Variants in IMMP2L observed in about 807,000 individuals in gnomAD.
The protein encoded by IMMP2L is mitochondrial inner membrane protease subunit 2.
Under a neutral mutation model 19.3 loss-of-function variants are expected in IMMP2L, and 18 were observed. That is an observed-to-expected ratio of 0.93 (90% confidence interval 0.64 to 1.38). The LOEUF (loss-of-function observed/expected upper bound fraction) is 1.38. IMMP2L is among the 40% of genes most tolerant of loss of function. The pLI is 0.00. For missense variants in IMMP2L, 233 were observed against 218.2 expected (o/e 1.07, Z -0.43); for synonymous variants, 76 against 73.0 (o/e 1.04, Z -0.21).
At chr7:111,384,621 A>G (rs566535931) in intron 3 of IMMP2L, among the ~76,000 whole-genome samples, 23 of 152,104 alleles carry the variant, frequency 1.5e-4, no homozygotes, top group African/African-American at 5.5e-4. Flanking sequence ...AAATCTTTTG[A>G]CTCTTCAGCC....
At chr7:111,403,449 A>G (rs1428179705) in intron 3 of IMMP2L, among the ~76,000 whole-genome samples, 1 of 147,872 alleles carries the variant, frequency 6.8e-6, no homozygotes, top group Non-Finnish European at 1.5e-5. Flanking sequence ...CAGCCCAGGT[A>G]TATATATATA....
chr7:111,158,510 T>G (rs1804895470), intron 3 of IMMP2L, among the ~76,000 whole-genome samples: 1 of 152,168 alleles, frequency 6.6e-6, no homozygotes, highest in African/African-American at 2.4e-5. Flanking sequence ...GAGTAATTTC[T>G]AAACGAAAAA....
intron 5 of IMMP2L, among the ~76,000 whole-genome samples, chr7:110,734,070 A>C (rs1796455719): frequency 6.6e-6 from 1 of 152,218 alleles, no homozygotes; most frequent in Non-Finnish European, 1.5e-5. Context: ...GCAAATACCT[A>C]AAAATGTGGA....
At chr7:111,402,297 C>T (rs771574977) in intron 3 of IMMP2L, among the ~76,000 whole-genome samples, 10 of 151,812 alleles carry the variant, frequency 6.6e-5, no homozygotes, top group Non-Finnish European at 1.0e-4. Context: ...ACTTGTATTC[C>T]CAGCAATATC....
chr7:110,766,824 T>TAGGG (rs1226965545), intron 5 of IMMP2L, among the ~76,000 whole-genome samples: 1 of 152,100 alleles, frequency 6.6e-6, no homozygotes, highest in African/African-American at 2.4e-5. Flanking sequence ...CGTAACTGAT[T>TAGGG]AGAGATTCTG....
chr7:111,270,710 A>C (rs2130257346), intron 3 of IMMP2L, among the ~76,000 whole-genome samples: 1 of 152,308 alleles, frequency 6.6e-6, no homozygotes, highest in East Asian at 1.9e-4. Flanking sequence ...ATATTTCAAT[A>C]ATTTATGAAC....
intron 2 of IMMP2L, among the ~76,000 whole-genome samples, chr7:111,510,845 G>A (rs556627739): frequency 1.2e-4 from 19 of 152,070 alleles, no homozygotes; most frequent in Non-Finnish European, 2.4e-4. Context: ...CCCACATACC[G>A]TGCTTTACCT....
At chr7:110,914,796 T>C (rs1446538535) in intron 4 of IMMP2L, among the ~76,000 whole-genome samples, 1 of 152,200 alleles carries the variant, frequency 6.6e-6, no homozygotes, top group African/African-American at 2.4e-5. Flanking sequence ...TGCATTTTTT[T>C]TATAATACAT....
At chr7:111,224,606 G>A (rs1812877605) in intron 3 of IMMP2L, among the ~76,000 whole-genome samples, 1 of 152,116 alleles carries the variant, frequency 6.6e-6, no homozygotes, top group Non-Finnish European at 1.5e-5. Flanking sequence ...GTGTGTTGCT[G>A]TTTTCTTTAA....
intron 5 of IMMP2L, among the ~76,000 whole-genome samples, chr7:110,834,942 C>A (rs919556740): frequency 2.0e-5 from 3 of 152,092 alleles, no homozygotes; most frequent in Non-Finnish European, 2.9e-5. Flanking sequence ...TAACCAATCA[C>A]CCTCAGAAGA....
At chr7:111,072,604 A>C (rs1795047068) in intron 3 of IMMP2L, among the ~76,000 whole-genome samples, 2 of 152,186 alleles carry the variant, frequency 1.3e-5, no homozygotes, top group Admixed American at 1.3e-4. Flanking sequence ...CTTTCAGATA[A>C]AACCAGTCTA....
At chr7:110,667,379 A>G (rs920625003) in intron 5 of IMMP2L, among the ~76,000 whole-genome samples, 3 of 152,214 alleles carry the variant, frequency 2.0e-5, no homozygotes, top group Admixed American at 6.5e-5. Flanking sequence ...ATGCCGCCCC[A>G]CCACCGTCCT....
intron 3 of IMMP2L, among the ~76,000 whole-genome samples, chr7:110,990,868 C>A (rs1449376034): frequency 6.6e-6 from 1 of 152,168 alleles, no homozygotes; most frequent in Non-Finnish European, 1.5e-5. Context: ...TATAAACCCT[C>A]AACAATGGCA....
chr7:111,333,321 C>G (rs1826059418), intron 3 of IMMP2L, among the ~76,000 whole-genome samples: 1 of 151,988 alleles, frequency 6.6e-6, no homozygotes. Context: ...TTAAATGTGA[C>G]ATAAGATTCA....
intron 3 of IMMP2L, among the ~76,000 whole-genome samples, chr7:111,082,541 CAG>C (rs1393716164): frequency 1.3e-5 from 2 of 152,156 alleles, no homozygotes; most frequent in East Asian, 1.9e-4. Context: ...GACATCTATT[CAG>C]AGAGTGTTCA....
chr7:111,233,466 AC>A (rs1484323459), intron 3 of IMMP2L, among the ~76,000 whole-genome samples: 21 of 152,216 alleles, frequency 1.4e-4, no homozygotes, highest in African/African-American at 4.8e-4. Context: ...TGACAAACTG[AC>A]TATATAATAA....
chr7:110,873,978 T>C (rs1021975154), intron 5 of IMMP2L, among the ~76,000 whole-genome samples: 1 of 152,068 alleles, frequency 6.6e-6, no homozygotes, highest in Admixed American at 6.6e-5. Context: ...GAACACAGAA[T>C]GTATGATGAG....
intron 3 of IMMP2L, among the ~76,000 whole-genome samples, chr7:111,120,876 T>A (rs1471449979): frequency 6.6e-6 from 1 of 152,096 alleles, no homozygotes; most frequent in Non-Finnish European, 1.5e-5. Context: ...ATCTAACTCA[T>A]TTGGTTGTAA....
intron 1 of IMMP2L, among the ~76,000 whole-genome samples, chr7:111,555,365 C>T (rs931473175): frequency 6.6e-6 from 1 of 151,780 alleles, no homozygotes; most frequent in Admixed American, 6.6e-5. Context: ...GTAGAAAGGA[C>T]ATTTAAAATT....
Sources: gnomAD v4.1 joint callset for allele counts (sites outside exome capture counted in the v4.1 genomes callset) on GRCh38, gnomAD v4.1.1 for gene constraint, MANE v1.5 for transcripts, NCBI Gene and HGNC (gene_info 2026-07-23, HGNC 2026-07-21) for gene names.